PCDHGA3: variants seen among roughly 807,000 people sequenced by gnomAD.
PCDHGA3 encodes protocadherin gamma subfamily A, 3, also known as protocadherin gamma-A3.
In PCDHGA3, 40 loss-of-function variants were observed where a neutral mutation model predicts 58.5. The observed-to-expected ratio is 0.68, with a 90% CI of 0.53 to 0.89. The LOEUF (loss-of-function observed/expected upper bound fraction) is 0.89. Ranked by LOEUF, PCDHGA3 falls within the 40% of genes least tolerant of loss-of-function variation. The pLI is 0.00. For missense variants in PCDHGA3, 1,223 were observed against 1,195.9 expected, an observed-to-expected ratio of 1.02 and a Z score of -0.33; for synonymous variants, 530 against 525.7, an observed-to-expected ratio of 1.01 and a Z score of -0.11.
chr5:141,389,541 C>A, intron 1 of PCDHGA3: 2 of 1,613,242 alleles, frequency 1.2e-6, no homozygotes, highest in Non-Finnish European at 1.7e-6. Context: ...AGTGGACGAC[C>A]GCAACGACAA....
intron 1 of PCDHGA3, chr5:141,350,020 T>C (rs1242075898): frequency 2.7e-6 from 1 of 367,434 alleles, no homozygotes; most frequent in Non-Finnish European, 4.8e-6. Context: ...TGTGCAGTTT[T>C]CCAAGACAAC....
At chr5:141,394,800 G>A in intron 1 of PCDHGA3, 1 of 1,613,850 alleles carries the variant, frequency 6.2e-7, no homozygotes, top group East Asian at 2.2e-5. Context: ...GCTCACCGTA[G>A]CCGTGGCTGA....
chr5:141,407,497 G>GTTTTTTTTTTTTTTTTTTTTTTTTT (rs1554102286), intron 1 of PCDHGA3, among the ~76,000 whole-genome samples: 1 of 151,974 alleles, frequency 6.6e-6, no homozygotes, highest in African/African-American at 2.4e-5. Context: ...CTTTATTTCT[G>GTTTTTTTTTTTTTTTTTTTTTTTTT]TTTTTCTTAG....
chr5:141,465,759 A>G (rs2099108647), intron 1 of PCDHGA3, among the ~76,000 whole-genome samples: 2 of 151,280 alleles, frequency 1.3e-5, no homozygotes, highest in South Asian at 4.2e-4. Context: ...TGGTAAAGTC[A>G]TGTTTCATCT....
In PCDHGA3 at chr5:141,423,579, G is replaced by A. The variant is rs760902886; in HGVS notation, c.2425-71228G>A. 6 of 1,613,378 alleles carry A rather than the reference G, an allele frequency of 3.7e-6. No homozygotes were observed. In the East Asian group the frequency reaches 1.3e-4, roughly 36 times the overall value. ...ATGGGGACACGCTCATCAGCCAGGA[G>A]AGCTGTGAGAAAAGCGAGCCACTCT... On this transcript the variant is annotated intron_variant, in intron 1 of 3. Transcript: ENST00000253812.
chr5:141,443,064 G>A (rs76234738), intron 1 of PCDHGA3, among the ~76,000 whole-genome samples: 48 of 152,264 alleles, frequency 3.2e-4, no homozygotes, highest in African/African-American at 1.1e-3. Context: ...ACTGAAGAGC[G>A]TCTTATGACT....
At chr5:141,396,830 G>C (rs1014090361) in intron 1 of PCDHGA3, among the ~76,000 whole-genome samples, 1 of 152,198 alleles carries the variant, frequency 6.6e-6, no homozygotes, top group African/African-American at 2.4e-5. Flanking sequence ...TGCATATTCA[G>C]TGGAGTGGGA....
intron 1 of PCDHGA3, chr5:141,366,786 AT>A (rs770117730): frequency 6.3e-7 from 1 of 1,575,572 alleles, no homozygotes; most frequent in Non-Finnish European, 8.6e-7. Flanking sequence ...TGACCAGAAC[AT>A]TTTCATTTGT....
At position 141,402,030 on chromosome 5, in the gene PCDHGA3, A is replaced by C. The variant is rs188760101; in HGVS notation, c.2424+55573A>C. On this transcript the variant is annotated intron_variant, in intron 1 of 3. Transcript: ENST00000253812. Reference sequence around the variant, plus strand: ...ATATGCATTTGAATCATTGAAACACAGTCTGTGCATGCATTACATATTCAC... The same window carrying C: ...ATATGCATTTGAATCATTGAAACACCGTCTGTGCATGCATTACATATTCAC... Among the ~76,000 whole-genome samples the C allele has an allele frequency of 1.4e-3, 213 of 152,348 alleles. 1 individual carries two copies. The highest frequency in any genetic ancestry group is 4.8e-3 in the African/African-American group (199 of 41,586).
rs765661515 is a variant in PCDHGA3 at position 141,398,665 on chromosome 5, T to C, written c.2424+52208T>C. The stretch of plus-strand genomic sequence containing the variant: ...ACTCTCTCTTAACCCAAGTTTCTCA[T>C]TAATAATTAAGGAGAAACAGGATGG... On this transcript the variant is annotated intron_variant, in intron 1 of 3. Transcript: ENST00000253812. 1.9e-6 allele frequency: 3 copies of C among 1,614,002 alleles called. No homozygotes were observed. In the South Asian group the frequency reaches 3.3e-5, roughly 18 times the overall value.
intron 1 of PCDHGA3, chr5:141,361,769 A>G: frequency 1.2e-6 from 2 of 1,613,144 alleles, no homozygotes; most frequent in Middle Eastern, 1.7e-4. Context: ...CTCAGCGCCA[A>G]CGTGAGCCTG....
intron 1 of PCDHGA3, chr5:141,423,310 G>A (rs1175296469): frequency 1.2e-6 from 2 of 1,614,180 alleles, no homozygotes; most frequent in Admixed American, 1.7e-5. Flanking sequence ...GCTGTACTTG[G>A]TGGTGGCGGT....
intron 1 of PCDHGA3, chr5:141,393,555 C>T (rs1561643318): frequency 1.2e-6 from 2 of 1,613,808 alleles, no homozygotes; most frequent in Admixed American, 3.3e-5. Context: ...CCCGATTTAC[C>T]GAGTGAAAGT....
chr5:141,458,848 T>C (rs1044462303), intron 1 of PCDHGA3, among the ~76,000 whole-genome samples: 1 of 152,182 alleles, frequency 6.6e-6, no homozygotes, highest in Non-Finnish European at 1.5e-5. Flanking sequence ...TCCTCCCACC[T>C]CAGCCTTCCA....
At chr5:141,401,566 C>G (rs2094168998) in intron 1 of PCDHGA3, among the ~76,000 whole-genome samples, 1 of 152,312 alleles carries the variant, frequency 6.6e-6, no homozygotes, top group African/African-American at 2.4e-5. Context: ...CTGAATTTCT[C>G]TTGCTCGGAA....
chr5:141,509,320 C>T (rs1261653347), intron 3 of PCDHGA3, among the ~76,000 whole-genome samples: 2 of 152,194 alleles, frequency 1.3e-5, no homozygotes, highest in East Asian at 3.8e-4. Flanking sequence ...GGGAGAGAAG[C>T]TCTACTGCCA....
At chr5:141,495,463 G>T (rs1562169154) in intron 2 of PCDHGA3, among the ~76,000 whole-genome samples, 1 of 152,114 alleles carries the variant, frequency 6.6e-6, no homozygotes, top group Non-Finnish European at 1.5e-5. Context: ...TCTGTCTGTG[G>T]GGTCTCCGTG....
At chr5:141,360,803 G>A (rs1392769200) in intron 1 of PCDHGA3, 1 of 1,613,926 alleles carries the variant, frequency 6.2e-7, no homozygotes, top group Admixed American at 1.7e-5. Flanking sequence ...CCACCTCAAA[G>A]TGGCACGACC....
chr5:141,388,631 G>T, intron 1 of PCDHGA3: 2 of 1,613,960 alleles, frequency 1.2e-6, no homozygotes, highest in Non-Finnish European at 1.7e-6. Context: ...TATACAGGGT[G>T]AGCCTTTCAG....
Sources: gnomAD v4.1 joint callset for allele counts (sites outside exome capture counted in the v4.1 genomes callset) on GRCh38, gnomAD v4.1.1 for gene constraint, MANE v1.5 for transcripts, NCBI Gene and HGNC (gene_info 2026-07-23, HGNC 2026-07-21) for gene names.